The following ATP6V0E1 variants were observed in gnomAD, a reference collection of about 807,000 sequenced individuals.
ATP6V0E1 encodes V-type proton ATPase subunit e 1.
In ATP6V0E1, 4 loss-of-function variants were observed where a neutral mutation model predicts 11.6. That is an observed-to-expected ratio of 0.35 (90% CI 0.17 to 0.79). The LOEUF (loss-of-function observed/expected upper bound fraction) is 0.79. Among genes scored for constraint, ATP6V0E1 ranks in the 30% least tolerant of loss-of-function variants. ATP6V0E1 has a pLI of 0.54. For synonymous variants in ATP6V0E1, 36 were observed against 34.8 expected (o/e 1.04, Z -0.13); for missense variants, 105 against 100.0 (o/e 1.05, Z -0.21).
intron 3 of ATP6V0E1, among the ~76,000 whole-genome samples, chr5:173,030,441 GT>G (rs60654421): frequency 0.2 from 25,177 of 127,086 alleles, 1,325 homozygotes; most frequent in African/African-American, 0.27. Context: ...TCAGTTTTTT[GT>G]TTTTTTTTTT....
At chr5:173,008,302 C>CTTTTTTTTTTTTTTTTTTTTT (rs1219833765) in intron 2 of ATP6V0E1, among the ~76,000 whole-genome samples, 1 of 132,518 alleles carries the variant, frequency 7.5e-6, no homozygotes, top group Non-Finnish European at 1.6e-5. Context: ...CTTTTCTTTT[C>CTTTTTTTTTTTTTTTTTTTTT]TTTTTTTTTT....
At chr5:172,990,833 TAAAA>T (rs201409111) in intron 1 of ATP6V0E1, among the ~76,000 whole-genome samples, 1 of 137,356 alleles carries the variant, frequency 7.3e-6, no homozygotes, top group African/African-American at 2.6e-5. Context: ...TCTCAAAAAT[TAAAA>T]AAAAAAAAAA....
chr5:173,034,416 C>A lies in ATP6V0E1; in HGVS notation c.*54C>A, dbSNP rs1008655919. On this transcript the variant is annotated 3_prime_UTR_variant, in exon 4 of 4. Transcript: ENST00000519374. ...TTTTGCAGGTCACGAGAAGAGAATG[C>A]CTTCTAGATGCAAAATCACCTCCAA... 21 of 702,868 alleles carry A rather than the reference C, an allele frequency of 3.0e-5. No homozygotes were observed. The African/African-American group carries it at 3.7e-4, about 12-fold the overall frequency. 43.5% of individuals were successfully genotyped at this position (702,868 alleles called of 1,614,324 possible). A position where few individuals can be genotyped will look rare whatever the true frequency, so the allele number is the denominator to read the frequency against.
Position 173,013,448 on chromosome 5 carries a change from G to A in ATP6V0E1, c.153-6790G>A, listed in dbSNP as rs188443397. 8.7e-3 allele frequency among the ~76,000 whole-genome samples: 1,315 copies of A among 151,944 alleles called. 18 individuals are homozygous for A. Among genetic ancestry groups the A allele is most frequent in the African/African-American group, 0.03 (1,252 of 41,452 alleles). ...AAATTAACCAGGCGTAGTGGTGGGC[G>A]CCTGTAGTCCCAGCTACTCCGGAGG... is the stretch of plus-strand genomic sequence containing the variant. On this transcript the variant is annotated intron_variant, in intron 2 of 3. Transcript: ENST00000519374.
intron 3 of ATP6V0E1, among the ~76,000 whole-genome samples, chr5:173,031,993 A>C (rs902128011): frequency 1.1e-4 from 16 of 151,300 alleles, no homozygotes; most frequent in African/African-American, 1.7e-4. Context: ...ACAACAACAA[A>C]AAATACAAAA....
chr5:172,992,217 A>T (rs1310607313), intron 1 of ATP6V0E1, among the ~76,000 whole-genome samples: 1 of 151,836 alleles, frequency 6.6e-6, no homozygotes, highest in Non-Finnish European at 1.5e-5. Context: ...CGCCCGGCTA[A>T]TTTTTTTGTA....
At chr5:173,021,254 A>T (rs190318006) in intron 3 of ATP6V0E1, among the ~76,000 whole-genome samples, 1 of 152,152 alleles carries the variant, frequency 6.6e-6, no homozygotes, top group Non-Finnish European at 1.5e-5. Flanking sequence ...ATGGGGAGGT[A>T]TATTAGCCCA....
At chr5:173,017,496 C>T (rs1249408946) in intron 2 of ATP6V0E1, among the ~76,000 whole-genome samples, 83 of 145,722 alleles carry the variant, frequency 5.7e-4, no homozygotes, top group African/African-American at 1.3e-4. Flanking sequence ...ATCGTGCCAT[C>T]GCACTCCAGC....
chr5:173,034,716 C>T lies in ATP6V0E1; in HGVS notation c.*354C>T. On this transcript the variant is annotated 3_prime_UTR_variant, in exon 4 of 4. Transcript: ENST00000519374. Reference sequence around the variant, plus strand: ...GGCTCCTGCCTTCTCACGTGGGAATCAGTGAAGTGTTTAGAAACTGCTGCA... The same window carrying T: ...GGCTCCTGCCTTCTCACGTGGGAATTAGTGAAGTGTTTAGAAACTGCTGCA... 2.3e-6 allele frequency: 1 copy of T among 435,530 alleles called. No individual in the cohort carries two copies. Among genetic ancestry groups the T allele is most frequent in the South Asian group, 3.1e-5 (1 of 32,122 alleles). 27.0% of individuals were successfully genotyped at this position (435,530 alleles called of 1,614,324 possible).
chr5:173,019,700 G>T (rs1756452231), intron 2 of ATP6V0E1, among the ~76,000 whole-genome samples: 1 of 152,170 alleles, frequency 6.6e-6, no homozygotes, highest in Non-Finnish European at 1.5e-5. Flanking sequence ...TCCACAGTAG[G>T]ATGTGTTACA....
In ATP6V0E1 at chr5:172,985,062, C is replaced by T. The variant is rs886801983; in HGVS notation, c.104+1098C>T. Among the ~76,000 whole-genome samples, 11 of 152,148 alleles carry T rather than the reference C, an allele frequency of 7.2e-5. No individual in the cohort carries two copies. The East Asian group carries it at 9.7e-4, about 13-fold the overall frequency. ...GAGATCGAGACCATCCTGGCTAACA[C>T]GGTGAAACCCGTCTCTACTAAAAAC... On this transcript the variant is annotated intron_variant, in intron 1 of 3. Transcript: ENST00000519374.
intron 2 of ATP6V0E1, among the ~76,000 whole-genome samples, chr5:172,996,574 A>AAAATACATACATAC (rs1292001050): frequency 2.0e-4 from 31 of 151,802 alleles, no homozygotes; most frequent in African/African-American, 7.5e-4. Flanking sequence ...AAAAAAAAAA[A>AAAATACATACATAC]ATACATACAT....
intron 2 of ATP6V0E1, among the ~76,000 whole-genome samples, chr5:173,011,321 G>A (rs1756323045): frequency 6.6e-6 from 1 of 151,832 alleles, no homozygotes; most frequent in Admixed American, 6.6e-5. Context: ...GGGACTATAG[G>A]CATGTGCCAT....
chr5:173,011,905 G>A (rs922391087), intron 2 of ATP6V0E1, among the ~76,000 whole-genome samples: 3 of 151,912 alleles, frequency 2.0e-5, no homozygotes, highest in African/African-American at 7.3e-5. Context: ...CCAGTTCTCT[G>A]CGTGTTTGTC....
intron 2 of ATP6V0E1, among the ~76,000 whole-genome samples, chr5:173,001,725 T>C (rs951324573): frequency 1.3e-5 from 2 of 151,598 alleles, no homozygotes; most frequent in African/African-American, 2.4e-5. Context: ...TTTTTTTTTT[T>C]CTTTTCCCCC....
In ATP6V0E1 at chr5:172,993,686, C is replaced by CCCCA. The variant is rs1554118440; in HGVS notation, c.105-1086_105-1085insACCC. 4.4e-3 allele frequency among the ~76,000 whole-genome samples: 557 copies of CCCCA among 125,286 alleles called. 13 individuals are homozygous for CCCCA. The highest frequency in any genetic ancestry group is 0.016 in the African/African-American group (520 of 32,568). The allele number at this position is 125,286 out of a possible 152,430, so 82.2% of individuals were successfully genotyped here. On this transcript the variant is annotated intron_variant, in intron 1 of 3. Transcript: ENST00000519374. The stretch of plus-strand genomic sequence containing the variant: ...CCTGGTCAACATATTGAGACCCCCC[C>CCCCA]CCCCGACCCCACCTCTCCAAAAAAA...
intron 2 of ATP6V0E1, among the ~76,000 whole-genome samples, chr5:172,998,170 GA>G: frequency 6.8e-6 from 1 of 147,528 alleles, no homozygotes; most frequent in Non-Finnish European, 1.5e-5. Flanking sequence ...AGGCCCAGCT[GA>G]TGAAACTTAA....
intron 3 of ATP6V0E1, among the ~76,000 whole-genome samples, chr5:173,031,419 C>CTTTT (rs564495625): frequency 7.7e-6 from 1 of 129,088 alleles, no homozygotes; most frequent in African/African-American, 2.9e-5. Context: ...CCTTATGACT[C>CTTTT]TTTTTTTTTT....
chr5:173,024,846 C>CTTTTTTT (rs542062411), intron 3 of ATP6V0E1, among the ~76,000 whole-genome samples: 18 of 136,210 alleles, frequency 1.3e-4, no homozygotes, highest in Non-Finnish European at 1.7e-4. Context: ...TTTCTTTTTT[C>CTTTTTTT]TTTTTTTTTT....
Sources: allele counts gnomAD v4.1 joint callset (sites outside exome capture counted in the v4.1 genomes callset), GRCh38; gene constraint gnomAD v4.1.1; transcripts MANE v1.5; gene names NCBI Gene and HGNC (gene_info 2026-07-23, HGNC 2026-07-21).